Variants in KLHL13 observed in about 807,000 individuals in gnomAD.
KLHL13 encodes kelch like family member 13.
Under a neutral mutation model 37.1 loss-of-function variants are expected in KLHL13, and 10 were observed. The observed-to-expected ratio is 0.27, with a 90% confidence interval of 0.17 to 0.46. The LOEUF (loss-of-function observed/expected upper bound fraction) is 0.46. Ranked by LOEUF, KLHL13 falls within the 20% of genes least tolerant of loss-of-function variation. KLHL13 has a pLI of 1.00. For synonymous variants in KLHL13, 163 were observed against 181.2 expected (o/e 0.90, Z 0.81); for missense variants, 360 against 509.3 (o/e 0.71, Z 2.82).
intron 5 of KLHL13, among the ~76,000 whole-genome samples, chrX:117,908,074 TTTA>T: frequency 1.0e-5 from 1 of 97,610 alleles, no homozygotes; most frequent in Non-Finnish European, 2.0e-5. Context: ...ACATTATTTA[TTTA>T]TTTATTTATT....
intron 1 of KLHL13, among the ~76,000 whole-genome samples, chrX:118,031,626 T>C (rs1320877137): frequency 3.0e-4 from 30 of 99,779 alleles, no homozygotes; most frequent in African/African-American, 8.3e-4. Context: ...TATTTAGTTG[T>C]ATATATATTT....
intron 1 of KLHL13, among the ~76,000 whole-genome samples, chrX:118,039,286 A>T (rs750535683): frequency 8.9e-6 from 1 of 112,155 alleles, no homozygotes; most frequent in African/African-American, 3.2e-5. Flanking sequence ...AGGCTCCTAC[A>T]GTCCCCAATT....
chrX:117,969,821 C>T lies in KLHL13; in HGVS notation c.98+2910G>A, dbSNP rs142294135. ...CTTTATACTATATAAGATGCTATTT[C>T]TACTAATATTGCCACAAATACTATA... On this transcript the variant is annotated intron_variant, in intron 1 of 6. Coordinates refer to ENST00000262820, the Ensembl canonical transcript of KLHL13. Among the ~76,000 whole-genome samples the T allele has an allele frequency of 9.2e-3, 1,023 of 111,631 alleles. 17 individuals carry two copies. Among genetic ancestry groups the T allele is most frequent in the African/African-American group, 0.031 (948 of 30,741 alleles).
rs57141350 is a variant in KLHL13, at chrX:118,085,239, G to A, written c.-56+31269C>T. Among the ~76,000 whole-genome samples, 1,095 of 110,593 alleles carry A rather than the reference G, an allele frequency of 9.9e-3. 16 individuals are homozygous for A. The highest frequency in any genetic ancestry group is 0.033 in the African/African-American group (1,013 of 30,394). ...TACTAATACATGCTATAACTAAGAC[G>A]AACATTGAAAACGTTATGCTAAGGG... is the stretch of plus-strand genomic sequence containing the variant. On this transcript the variant is annotated intron_variant, in intron 1 of 6. Transcript: ENST00000371882.
At chrX:117,959,874 G>A in intron 1 of KLHL13, among the ~76,000 whole-genome samples, 1 of 111,717 alleles carries the variant, frequency 9.0e-6, no homozygotes, top group Non-Finnish European at 1.9e-5. Context: ...AGAACTTTTA[G>A]AAACAGCTGC....
chrX:117,926,130 G>C (rs149830753), intron 2 of KLHL13, among the ~76,000 whole-genome samples: 9,575 of 111,423 alleles, frequency 0.086, 363 homozygotes, highest in Middle Eastern at 0.14. Context: ...TTTACATTAC[G>C]TCCTGAAACT....
intron 2 of KLHL13, among the ~76,000 whole-genome samples, chrX:117,941,572 T>C (rs1185508999): frequency 9.0e-6 from 1 of 111,670 alleles, no homozygotes; most frequent in Non-Finnish European, 1.9e-5. Context: ...TGGGAGGGTG[T>C]ATGTGTCTAG....
chrX:118,040,457 C>T (rs757579585), intron 1 of KLHL13, among the ~76,000 whole-genome samples: 1 of 111,205 alleles, frequency 9.0e-6, no homozygotes, highest in Non-Finnish European at 1.9e-5. Context: ...AACAGTAGAA[C>T]TGATAAAACA....
rs145567115 is a variant in KLHL13, at chrX:118,022,481, A to G, written c.-55-76906T>C. ...ACAGTGTGTAAGGGTTCTCTTCTCT[A>G]CATCCTCTCCAACACTTGCTATCAT... On this transcript the variant is annotated intron_variant, in intron 1 of 6. Coordinates refer to the KLHL13 transcript ENST00000371882. Among the ~76,000 whole-genome samples, 162 of 111,473 alleles carry G rather than the reference A, an allele frequency of 1.5e-3. 2 individuals are homozygous for G. The highest frequency in any genetic ancestry group is 5.1e-3 in the African/African-American group (158 of 30,718).
intron 2 of KLHL13, among the ~76,000 whole-genome samples, chrX:117,934,246 C>T (rs1932653023): frequency 9.1e-6 from 1 of 110,454 alleles, no homozygotes; most frequent in Non-Finnish European, 1.9e-5. Context: ...ACACAGTATA[C>T]CCATGTAACA....
intron 2 of KLHL13, among the ~76,000 whole-genome samples, chrX:117,924,992 C>G (rs1463462162): frequency 9.0e-6 from 1 of 110,835 alleles, no homozygotes; most frequent in East Asian, 2.8e-4. Flanking sequence ...ACTTCAACCT[C>G]TATTAAATAG....
chrX:118,096,365 C>T (rs747850281), intron 1 of KLHL13, among the ~76,000 whole-genome samples: 1 of 111,615 alleles, frequency 9.0e-6, no homozygotes, highest in South Asian at 3.8e-4. Flanking sequence ...TACACCCTCC[C>T]ACGACTAAAC....
At chrX:117,980,812 G>A (rs749321959) in intron 1 of KLHL13, among the ~76,000 whole-genome samples, 1 of 111,365 alleles carries the variant, frequency 9.0e-6, no homozygotes, top group African/African-American at 3.2e-5. Context: ...AATAATGAAT[G>A]AGAAAATCTT....
chrX:117,950,534 A>G (rs1436819132), intron 1 of KLHL13, among the ~76,000 whole-genome samples: 1 of 112,230 alleles, frequency 8.9e-6, no homozygotes, highest in African/African-American at 3.2e-5. Flanking sequence ...AGATATTTCA[A>G]GTTCCCCAGA....
chrX:118,087,803 T>C (rs748449170), intron 1 of KLHL13, among the ~76,000 whole-genome samples: 1 of 111,671 alleles, frequency 9.0e-6, no homozygotes, highest in Non-Finnish European at 1.9e-5. Flanking sequence ...CTTCCCTCAC[T>C]GTACCAGCTA....
chrX:118,101,236 C>T (rs1350061377), intron 1 of KLHL13, among the ~76,000 whole-genome samples: 1 of 111,917 alleles, frequency 8.9e-6, no homozygotes, highest in Non-Finnish European at 1.9e-5. Flanking sequence ...ACTCTAAGTA[C>T]TGCAGTTTCC....
chrX:118,037,633 C>T (rs1602674869), intron 1 of KLHL13, among the ~76,000 whole-genome samples: 1 of 110,605 alleles, frequency 9.0e-6, no homozygotes, highest in Non-Finnish European at 1.9e-5. Flanking sequence ...TTGGGAGATA[C>T]ACCTAATGCT....
intron 1 of KLHL13, among the ~76,000 whole-genome samples, chrX:118,036,306 A>C (rs5956861): frequency 0.026 from 2,907 of 111,925 alleles, 108 homozygotes; most frequent in African/African-American, 0.089. Flanking sequence ...AGCCAAAAGA[A>C]CAAAGCTGGA....
At chrX:118,084,243 G>A (rs1203019967) in intron 1 of KLHL13, among the ~76,000 whole-genome samples, 1 of 111,628 alleles carries the variant, frequency 9.0e-6, no homozygotes, top group Non-Finnish European at 1.9e-5. Flanking sequence ...TGAGGCAGGA[G>A]GATCCCTTGA....
Sources: allele counts gnomAD v4.1 joint callset (sites outside exome capture counted in the v4.1 genomes callset), GRCh38; gene constraint gnomAD v4.1.1; transcripts MANE v1.5; gene names NCBI Gene and HGNC (gene_info 2026-07-23, HGNC 2026-07-21).